The following CHN1 variants were observed in gnomAD, a reference collection of about 807,000 sequenced individuals.
CHN1 encodes chimerin 1.
In CHN1, 37 loss-of-function variants were observed where a neutral mutation model predicts 59.5. The ratio of observed to expected loss-of-function variants is 0.62; its 90% CI spans 0.48 to 0.82. The LOEUF (loss-of-function observed/expected upper bound fraction) is 0.82. Ranked by LOEUF, CHN1 falls within the 40% of genes least tolerant of loss-of-function variation. The pLI, the probability that CHN1 is intolerant of heterozygous loss-of-function variation, is 0.00. For missense variants in CHN1, 469 were observed against 571.0 expected (o/e 0.82, Z 1.82); for synonymous variants, 206 against 200.4 (o/e 1.03, Z -0.24).
At chr2:174,904,452 G>A (rs1334058966) in intron 5 of CHN1, among the ~76,000 whole-genome samples, 4 of 151,768 alleles carry the variant, frequency 2.6e-5, no homozygotes, top group Non-Finnish European at 4.4e-5. Flanking sequence ...GCAATGGTGC[G>A]ATCTCGGCTC....
At chr2:174,894,770 A>T (rs1688159575) in intron 5 of CHN1, among the ~76,000 whole-genome samples, 1 of 152,088 alleles carries the variant, frequency 6.6e-6, no homozygotes, top group African/African-American at 2.4e-5. Context: ...ACAGTAGTCC[A>T]CCTCATACAT....
At chr2:174,916,516 T>C (rs548224665) in intron 4 of CHN1, among the ~76,000 whole-genome samples, 3 of 152,266 alleles carry the variant, frequency 2.0e-5, no homozygotes, top group South Asian at 2.1e-4. Context: ...AAAGAAACAA[T>C]AGTCACTTGA....
chr2:174,922,988 T>C (rs1223535544), intron 3 of CHN1, among the ~76,000 whole-genome samples: 1 of 152,152 alleles, frequency 6.6e-6, no homozygotes, highest in Non-Finnish European at 1.5e-5. Flanking sequence ...ATTCAAATTG[T>C]TACCTCAAGG....
chr2:174,877,816 A>T (rs1166709248), intron 6 of CHN1, 24 bp downstream of exon 6: 18 of 1,592,442 alleles, frequency 1.1e-5, no homozygotes, highest in Non-Finnish European at 1.5e-5. Flanking sequence ...GAAAAAGATA[A>T]AGTGTGGTTT....
rs535146606 is a variant in CHN1 at position 174,809,087 on chromosome 2, C to T, written c.965-45G>A. On this transcript the variant is annotated intron_variant, in intron 10 of 12. Transcript: ENST00000409900. ...AAATAAAAGTAAATATCTGGATTCA[C>T]AGCACTGTTTTAATGAATGACATAT... is the stretch of plus-strand genomic sequence containing the variant. 33 of 1,536,558 alleles carry T rather than the reference C, an allele frequency of 2.1e-5. No homozygotes were observed. The African/African-American group carries it at 4.2e-4, about 20-fold the overall frequency.
At chr2:174,919,082 C>T (rs1558981622) in intron 3 of CHN1, among the ~76,000 whole-genome samples, 1 of 152,104 alleles carries the variant, frequency 6.6e-6, no homozygotes, top group Non-Finnish European at 1.5e-5. Flanking sequence ...GATAAATGCC[C>T]AGGAATTTTC....
rs531085700 is a variant in CHN1 at position 174,936,285 on chromosome 2, T to C, written c.114+8603A>G. On this transcript the variant is annotated intron_variant, in intron 3 of 12. Coordinates refer to ENST00000409900, the MANE Select transcript of CHN1 (RefSeq NM_001822.7). Reference sequence around the variant, plus strand: ...AAAATCATCACTACATTTCCCACTGTGTGGATAGCAGGGGGAAAAGTGCGT... The same window carrying C: ...AAAATCATCACTACATTTCCCACTGCGTGGATAGCAGGGGGAAAAGTGCGT... Among the ~76,000 whole-genome samples the C allele has an allele frequency of 1.5e-4, 23 of 152,320 alleles. No individual in the cohort carries two copies. The South Asian group carries it at 3.7e-3, about 25-fold the overall frequency.
In CHN1 at chr2:175,005,023, G is replaced by T; in HGVS notation, c.-111C>A. The T allele has an allele frequency of 7.0e-7, 1 of 1,437,194 alleles. No homozygotes were observed. Among genetic ancestry groups the T allele is most frequent in the Admixed American group, 2.6e-5 (1 of 38,776 alleles). The allele number at this position is 1,437,194 out of a possible 1,614,324, so 89.0% of individuals were successfully genotyped here. ...CCTCGGAGAGAGTGGGGTGCCCGAT[G>T]GGGCGTGCTGGGGGCGCCGGCGCCC... On this transcript the variant is annotated 5_prime_UTR_variant, in exon 1 of 13. Transcript: ENST00000409900.
intron 6 of CHN1, among the ~76,000 whole-genome samples, chr2:174,860,233 C>G (rs1687027187): frequency 6.6e-6 from 1 of 152,066 alleles, no homozygotes; most frequent in Non-Finnish European, 1.5e-5. Flanking sequence ...TTAAGCTTTC[C>G]ATTAAAATCC....
At chr2:175,001,364 C>T (rs892361597) in intron 1 of CHN1, among the ~76,000 whole-genome samples, 5 of 152,098 alleles carry the variant, frequency 3.3e-5, no homozygotes, top group African/African-American at 1.2e-4. Flanking sequence ...CAGGACATTC[C>T]TATGGGAAAT....
intron 2 of CHN1, among the ~76,000 whole-genome samples, chr2:174,948,080 A>G (rs1405855495): frequency 2.0e-5 from 3 of 152,188 alleles, no homozygotes; most frequent in Non-Finnish European, 4.4e-5. Flanking sequence ...GAAATTCTCA[A>G]TCCCTACAGA....
At chr2:174,998,583 T>C (rs1239521523) in intron 1 of CHN1, among the ~76,000 whole-genome samples, 1 of 152,166 alleles carries the variant, frequency 6.6e-6, no homozygotes, top group East Asian at 1.9e-4. Context: ...CTTTCAGCGC[T>C]GCTGGATAAA....
At chr2:174,888,348 G>A (rs573255616) in intron 5 of CHN1, among the ~76,000 whole-genome samples, 1 of 152,266 alleles carries the variant, frequency 6.6e-6, no homozygotes, top group South Asian at 2.1e-4. Flanking sequence ...TGAAATAAGA[G>A]CAGATGGGGA....
At chr2:174,882,499 C>T (rs1230994614) in intron 5 of CHN1, among the ~76,000 whole-genome samples, 5 of 152,118 alleles carry the variant, frequency 3.3e-5, no homozygotes, top group Non-Finnish European at 4.4e-5. Flanking sequence ...GAATAGCTTT[C>T]GGAATTTTAC....
chr2:174,885,539 G>A (rs1357316949), intron 5 of CHN1, among the ~76,000 whole-genome samples: 11 of 151,928 alleles, frequency 7.2e-5, no homozygotes, highest in Non-Finnish European at 4.4e-5. Context: ...CCTGACCTCA[G>A]GCTGGAGTGC....
intron 5 of CHN1, among the ~76,000 whole-genome samples, chr2:174,913,815 A>G (rs1178402549): frequency 1.3e-5 from 2 of 152,238 alleles, no homozygotes; most frequent in African/African-American, 4.8e-5. Context: ...GGAATTAGAC[A>G]TGTTAGTCCT....
At chr2:174,821,735 C>A in intron 8 of CHN1, 1 of 463,132 alleles carries the variant, frequency 2.2e-6, no homozygotes, top group Non-Finnish European at 4.5e-6. Context: ...TTACCAGACA[C>A]TGAACCTGCT....
At chr2:174,824,631 T>C in intron 7 of CHN1, 113 bp from the exon 8 acceptor site, 1 of 489,124 alleles carries the variant, frequency 2.0e-6, no homozygotes, top group Non-Finnish European at 3.5e-6. Context: ...TATATATATA[T>C]GAGAGAAAGA....
At chr2:174,856,726 T>C (rs1367575000) in intron 6 of CHN1, among the ~76,000 whole-genome samples, 1 of 152,138 alleles carries the variant, frequency 6.6e-6, no homozygotes, top group African/African-American at 2.4e-5. Flanking sequence ...GTCTCAGGCC[T>C]GGGGACTAAA....
Sources: allele counts gnomAD v4.1 joint callset (sites outside exome capture counted in the v4.1 genomes callset), GRCh38; gene constraint gnomAD v4.1.1; transcripts MANE v1.5; gene names NCBI Gene and HGNC (gene_info 2026-07-23, HGNC 2026-07-21).